The following THADA variants were observed in gnomAD, a reference collection of about 807,000 sequenced individuals.
THADA encodes the protein tRNA (32-2'-O)-methyltransferase regulator THADA.
In THADA, 213 loss-of-function variants were observed where a neutral mutation model predicts 219.8. The observed-to-expected ratio is 0.97, with a 90% CI of 0.87 to 1.09. THADA has a LOEUF of 1.09. Among genes scored for constraint, THADA ranks in the 50% least tolerant of loss-of-function variants. THADA has a pLI of 0.00. For missense variants in THADA, 2,956 were observed against 2,311.3 expected (o/e 1.28, Z -5.72); for synonymous variants, 1,018 against 828.9 (o/e 1.23, Z -3.92).
chr2:43,269,256 C>G (rs1007942475), intron 36 of THADA, among the ~76,000 whole-genome samples: 1 of 152,192 alleles, frequency 6.6e-6, no homozygotes, highest in African/African-American at 2.4e-5. Flanking sequence ...AGGGGTCAGT[C>G]GCCTTGGCCA....
At chr2:43,323,422 G>A (rs13429223) in intron 30 of THADA, among the ~76,000 whole-genome samples, 7,889 of 152,160 alleles carry the variant, frequency 0.052, 544 homozygotes, top group African/African-American at 0.16. Context: ...ACTCTCAATC[G>A]TAACTTTCTG....
chr2:43,582,411 C>T (rs1289567504), intron 7 of THADA, among the ~76,000 whole-genome samples: 4 of 150,992 alleles, frequency 2.6e-5, no homozygotes, highest in Non-Finnish European at 5.9e-5. Context: ...GCAGGAGAAT[C>T]GCTTGAACCC....
chr2:43,480,248 C>A (rs866796124), intron 26 of THADA, among the ~76,000 whole-genome samples: 5 of 152,180 alleles, frequency 3.3e-5, no homozygotes, highest in African/African-American at 4.8e-5. Context: ...GCTGTGATCT[C>A]GGCTAAGTTA....
chr2:43,337,103 A>G (rs1483613629), intron 30 of THADA, among the ~76,000 whole-genome samples: 3 of 152,228 alleles, frequency 2.0e-5, no homozygotes, highest in Non-Finnish European at 4.4e-5. Context: ...ACAAAACACA[A>G]CTATGGCCAA....
At chr2:43,533,260 G>C (rs1694124263) in intron 21 of THADA, among the ~76,000 whole-genome samples, 1 of 152,194 alleles carries the variant, frequency 6.6e-6, no homozygotes, top group Non-Finnish European at 1.5e-5. Context: ...AGAGGATGTG[G>C]AGAAATAGAA....
At chr2:43,272,277 C>G (rs541488954) in intron 36 of THADA, among the ~76,000 whole-genome samples, 2 of 152,106 alleles carry the variant, frequency 1.3e-5, no homozygotes, top group African/African-American at 4.8e-5. Flanking sequence ...TGGGTTTTAC[C>G]CAGATTAAGA....
At chr2:43,318,974 AT>A (rs1453591859) in intron 31 of THADA, among the ~76,000 whole-genome samples, 1 of 152,224 alleles carries the variant, frequency 6.6e-6, no homozygotes, top group Non-Finnish European at 1.5e-5. Context: ...TAAACTAATG[AT>A]TATAGTCAAC....
At chr2:43,482,571 G>C (rs1337018569) in intron 26 of THADA, among the ~76,000 whole-genome samples, 4 of 152,266 alleles carry the variant, frequency 2.6e-5, no homozygotes, top group Non-Finnish European at 5.9e-5. Context: ...GATTATAGTG[G>C]TTATATTGTA....
At chr2:43,353,718 C>A (rs773807719) in intron 29 of THADA, among the ~76,000 whole-genome samples, 2 of 152,064 alleles carry the variant, frequency 1.3e-5, no homozygotes, top group Non-Finnish European at 2.9e-5. Context: ...TGTGGTGGCA[C>A]AATCTTGGCT....
chr2:43,364,614 C>A (rs967372236), intron 29 of THADA, among the ~76,000 whole-genome samples: 4 of 152,220 alleles, frequency 2.6e-5, no homozygotes, highest in African/African-American at 9.6e-5. Context: ...CCATGTACTG[C>A]ATTTACTTTT....
chr2:43,295,981 G>A (rs1675326226), intron 31 of THADA, among the ~76,000 whole-genome samples: 1 of 149,646 alleles, frequency 6.7e-6, no homozygotes, highest in East Asian at 2.0e-4. Flanking sequence ...GTGCAGTGGT[G>A]CGATCTCGGC....
At chr2:43,272,787 G>C (rs1367801425) in intron 36 of THADA, among the ~76,000 whole-genome samples, 1 of 151,720 alleles carries the variant, frequency 6.6e-6, no homozygotes, top group Non-Finnish European at 1.5e-5. Context: ...ACTACACTTG[G>C]CTAATTTTTA....
At position 43,428,246 on chromosome 2, in the gene THADA, A is replaced by G. The variant is rs779813014; in HGVS notation, c.3927-15T>C. The stretch of plus-strand genomic sequence containing the variant: ...CTCCCATATCACTGAAACAACAATT[A>G]TTACACATGAAAGATTTCACATTTA... On this transcript the variant is annotated splice_polypyrimidine_tract_variant and intron_variant, in intron 27 of 37. Transcript: ENST00000405975. 3 of 1,578,580 alleles carry G rather than the reference A, an allele frequency of 1.9e-6. No homozygotes were observed. The highest frequency in any genetic ancestry group is 2.3e-5 in the South Asian group (2 of 87,564).
intron 26 of THADA, among the ~76,000 whole-genome samples, chr2:43,461,141 C>A (rs1451883584): frequency 6.6e-6 from 1 of 152,198 alleles, no homozygotes; most frequent in Non-Finnish European, 1.5e-5. Flanking sequence ...TTCTCAAACA[C>A]TGGAAAGCTA....
chr2:43,334,198 T>C (rs1388391897), intron 30 of THADA, among the ~76,000 whole-genome samples: 2 of 151,088 alleles, frequency 1.3e-5, no homozygotes, highest in Admixed American at 6.6e-5. Context: ...AAAAGGAGAA[T>C]AGATGGGAGT....
At chr2:43,527,216 T>C (rs1426219280) in intron 22 of THADA, among the ~76,000 whole-genome samples, 10 of 152,226 alleles carry the variant, frequency 6.6e-5, no homozygotes, top group East Asian at 3.8e-4. Flanking sequence ...ATGGAAATGT[T>C]TTCCTGGAAA....
At chr2:43,593,328 G>C (rs1447823124) in intron 1 of THADA, among the ~76,000 whole-genome samples, 4 of 152,170 alleles carry the variant, frequency 2.6e-5, no homozygotes, top group Admixed American at 1.3e-4. Context: ...GTTTGAAACA[G>C]CTCAACAGCC....
chr2:43,291,929 T>C, intron 33 of THADA, 161 bp from the exon 34 acceptor site: 1 of 770,362 alleles, frequency 1.3e-6, no homozygotes, highest in Non-Finnish European at 2.1e-6. Flanking sequence ...CTTTTGGTTA[T>C]TAATGCAAAT....
chr2:43,547,096 G>C lies in THADA; in HGVS notation c.3106+2114C>G, dbSNP rs546597385. Among the ~76,000 whole-genome samples the C allele has an allele frequency of 6.9e-3, 1,049 of 152,030 alleles. 16 individuals carry two copies. Among genetic ancestry groups the C allele is most frequent in the African/African-American group, 0.024 (999 of 41,428 alleles). The stretch of plus-strand genomic sequence containing the variant: ...TGACAAAATCTCTCAGCATTTGCTT[G>C]TCTGTAAAGTATTTTATTTCTCCTT... On this transcript the variant is annotated intron_variant, in intron 20 of 37. Coordinates refer to ENST00000405975, the MANE Select transcript of THADA (RefSeq NM_022065.5).
Sources: gnomAD v4.1 joint callset for allele counts (sites outside exome capture counted in the v4.1 genomes callset) on GRCh38, gnomAD v4.1.1 for gene constraint, MANE v1.5 for transcripts, NCBI Gene and HGNC (gene_info 2026-07-23, HGNC 2026-07-21) for gene names.